CLIP1: variants seen among roughly 807,000 people sequenced by gnomAD.
The protein encoded by CLIP1 is CAP-Gly domain-containing linker protein 1.
Under a neutral mutation model 161.6 loss-of-function variants are expected in CLIP1, and 66 were observed. The ratio of observed to expected loss-of-function variants is 0.41; its 90% confidence interval spans 0.33 to 0.50. The LOEUF is 0.50. CLIP1 is among the 20% of genes least tolerant of loss of function. The pLI is 0.27. For synonymous variants in CLIP1, 598 were observed against 626.2 expected, an observed-to-expected ratio of 0.96 and a Z score of 0.67; for missense variants, 1,376 against 1,702.0, an observed-to-expected ratio of 0.81 and a Z score of 3.37.
At chr12:122,365,723 T>C (rs1954119523) in intron 3 of CLIP1, 1 of 641,666 alleles carries the variant, frequency 1.6e-6, no homozygotes. Flanking sequence ...AAAACAAACT[T>C]GTGGCTGGGC....
intron 20 of CLIP1, among the ~76,000 whole-genome samples, chr12:122,303,851 C>T (rs1950774801): frequency 6.6e-6 from 1 of 152,162 alleles, no homozygotes; most frequent in African/African-American, 2.4e-5. Context: ...CTGCCTTGTC[C>T]TCCCCCTGAT....
At chr12:122,364,149 C>G (rs1253710234) in intron 3 of CLIP1, 42 bp from the exon 4 acceptor site, 3 of 1,612,290 alleles carry the variant, frequency 1.9e-6, no homozygotes, top group Non-Finnish European at 8.5e-7. Context: ...GAACATCACT[C>G]TATAGCTTAA....
In CLIP1 at chr12:122,380,436, G is replaced by A. The variant is rs1954965538; in HGVS notation, c.17C>T (p.Pro6Leu). Reference protein sequence around the residue: MSMLKPSGLKAPTKIL... With the variant: MSMLKLSGLKAPTKIL... ...CTTGGTGGGGGCCTTAAGCCCACTT[G>A]GCTTTAGCATACTCATTTTCTTTGT... Residue 6 changes from proline to leucine, a missense_variant, in exon 2 of 26, where the codon CCA (proline) becomes CTA (leucine). Coordinates refer to ENST00000620786, the MANE Select transcript of CLIP1 (RefSeq NM_001247997.2). The A allele has an allele frequency of 6.2e-7, 1 of 1,612,104 alleles. No individual in the cohort carries two copies. The highest frequency in any genetic ancestry group is 1.7e-5 in the Admixed American group (1 of 59,724).
chr12:122,366,125 G>GTAGACA (rs1171475836), intron 3 of CLIP1, among the ~76,000 whole-genome samples: 4 of 151,986 alleles, frequency 2.6e-5, no homozygotes, highest in African/African-American at 9.7e-5. Flanking sequence ...TGGCCAACAT[G>GTAGACA]GTAAAAACCT....
intron 20 of CLIP1, among the ~76,000 whole-genome samples, chr12:122,298,361 C>A (rs1222415581): frequency 6.6e-6 from 1 of 152,146 alleles, no homozygotes; most frequent in Non-Finnish European, 1.5e-5. Context: ...GTAATTGCAG[C>A]ACTTTGGGAG....
At chr12:122,365,937 G>A (rs932717153) in intron 3 of CLIP1, among the ~76,000 whole-genome samples, 8 of 151,942 alleles carry the variant, frequency 5.3e-5, no homozygotes, top group African/African-American at 1.9e-4. Flanking sequence ...TGAGCCCAAG[G>A]GTTTGAGGCT....
Position 122,380,544 on chromosome 12 carries a change from G to T in CLIP1, c.-92C>A. The T allele has an allele frequency of 1.5e-6, 1 of 678,632 alleles. No individual in the cohort carries two copies. The highest frequency in any genetic ancestry group is 2.5e-6 in the Non-Finnish European group (1 of 402,194). The allele number at this position is 678,632 out of a possible 1,614,324, so 42.0% of individuals were successfully genotyped here. ...AACTGTGGGTTCTATAGTGAAGTCA[G>T]TCTCTGGATTAAATCTGCAAAGAGA... On this transcript the variant is annotated 5_prime_UTR_variant, in exon 2 of 26. It adds an upstream start codon to the 5' untranslated region. Coordinates refer to ENST00000620786, the MANE Select transcript of CLIP1 (RefSeq NM_001247997.2).
chr12:122,406,929 C>CAA (rs199764714), intron 1 of CLIP1, among the ~76,000 whole-genome samples: 11 of 95,938 alleles, frequency 1.1e-4, no homozygotes, highest in South Asian at 6.2e-4. Context: ...CCTCCATCTG[C>CAA]AAAAAAAAAA....
intron 1 of CLIP1, chr12:122,399,466 C>G (rs1471926699): frequency 6.6e-6 from 1 of 152,202 alleles, no homozygotes; most frequent in African/African-American, 2.4e-5. Context: ...GGCTCAGCAC[C>G]TCCTGGCACA....
At chr12:122,387,548 A>G (rs6488947) in intron 1 of CLIP1, among the ~76,000 whole-genome samples, 50,910 of 80,562 alleles carry the variant, frequency 0.63, 13,923 homozygotes, top group Non-Finnish European at 0.69. Context: ...ATGCCTTTTC[A>G]TATATATATA....
At chr12:122,404,460 G>T (rs1956249190) in intron 1 of CLIP1, among the ~76,000 whole-genome samples, 1 of 152,088 alleles carries the variant, frequency 6.6e-6, no homozygotes, top group Admixed American at 6.6e-5. Context: ...TTAGCTAGAA[G>T]TGGTGGCACA....
intron 20 of CLIP1, among the ~76,000 whole-genome samples, chr12:122,295,934 T>C (rs1348099181): frequency 6.6e-6 from 1 of 152,238 alleles, no homozygotes; most frequent in Admixed American, 6.5e-5. Flanking sequence ...TGCTTTTGGT[T>C]ACTGTTTGCA....
intron 1 of CLIP1, among the ~76,000 whole-genome samples, chr12:122,415,832 T>C (rs575265940): frequency 1.3e-5 from 2 of 151,784 alleles, no homozygotes; most frequent in African/African-American, 2.4e-5. Context: ...AAAAAACCCA[T>C]AGATTTTGAA....
At position 122,283,705 on chromosome 12, in the gene CLIP1, C is replaced by A. The variant is rs375311288; in HGVS notation, c.3648-4560G>T. Among the ~76,000 whole-genome samples the A allele has an allele frequency of 1.1e-4, 17 of 152,108 alleles. No homozygotes were observed. The South Asian group carries it at 1.9e-3, about 17-fold the overall frequency. The stretch of plus-strand genomic sequence containing the variant: ...AACTCCTGACCTCAGGTGATCCTCC[C>A]AAAGCACTGGGATTACAGGCGTGAC... On this transcript the variant is annotated intron_variant, in intron 21 of 25. Coordinates refer to ENST00000620786, the MANE Select transcript of CLIP1 (RefSeq NM_001247997.2).
chr12:122,304,054 G>T (rs1950782073), intron 20 of CLIP1, among the ~76,000 whole-genome samples: 1 of 152,216 alleles, frequency 6.6e-6, no homozygotes, highest in African/African-American at 2.4e-5. Flanking sequence ...ACAGTGCCCT[G>T]TGCCTGTCAG....
Position 122,347,368 on chromosome 12 carries a change from C to G in CLIP1, c.1506+7G>C. On this transcript the variant is annotated splice_region_variant and intron_variant, in intron 10 of 25. Coordinates refer to ENST00000620786, the MANE Select transcript of CLIP1 (RefSeq NM_001247997.2). ...GGTCTGCTTCATTAAATAGTGAAAA[C>G]CATTACCCTAGTGTCTTCTAACTCC... 6.3e-7 allele frequency: 1 copy of G among 1,590,490 alleles called. No individual in the cohort carries two copies. Among genetic ancestry groups the G allele is most frequent in the Non-Finnish European group, 8.6e-7 (1 of 1,158,916 alleles).
At chr12:122,273,227 G>A in intron 25 of CLIP1, 127 bp from the exon 26 acceptor site, 1 of 685,332 alleles carries the variant, frequency 1.5e-6, no homozygotes, top group Non-Finnish European at 2.5e-6. Flanking sequence ...TCCAGTATAA[G>A]TAGTGCATTA....
At chr12:122,292,602 T>C (rs1471200904) in intron 20 of CLIP1, among the ~76,000 whole-genome samples, 1 of 152,158 alleles carries the variant, frequency 6.6e-6, no homozygotes, top group Non-Finnish European at 1.5e-5. Flanking sequence ...GAAAACAAGC[T>C]CTAGGCATTA....
rs186867213 is a variant in CLIP1 at position 122,394,330 on chromosome 12, T to C, written c.-106-13772A>G. 5.3e-5 allele frequency among the ~76,000 whole-genome samples: 8 copies of C among 150,412 alleles called. No homozygotes were observed. The East Asian group carries it at 5.9e-4, about 11-fold the overall frequency. ...GGTGAAACCCCGTCTCTACTAAAAA[T>C]ACAAAAAAATCAGCTGGGCGTGGTG... On this transcript the variant is annotated intron_variant, in intron 1 of 25. Coordinates refer to ENST00000620786, the MANE Select transcript of CLIP1 (RefSeq NM_001247997.2).
Sources: gnomAD v4.1 joint callset for allele counts (sites outside exome capture counted in the v4.1 genomes callset) on GRCh38, gnomAD v4.1.1 for gene constraint, MANE v1.5 for transcripts, NCBI Gene and HGNC (gene_info 2026-07-23, HGNC 2026-07-21) for gene names.